Variants in PAPPA2 observed in about 807,000 individuals in gnomAD.
The protein encoded by PAPPA2 is pappalysin-2.
PAPPA2 carries 86 observed loss-of-function variants against 176.4 expected under a neutral mutation model. The observed-to-expected ratio is 0.49, with a 90% CI of 0.41 to 0.58. PAPPA2 has a LOEUF of 0.58. Ranked by LOEUF, PAPPA2 falls within the 20% of genes least tolerant of loss-of-function variation. PAPPA2 has a pLI of 0.00. For missense variants in PAPPA2, 2,073 were observed against 2,256.9 expected (o/e 0.92, Z 1.65); for synonymous variants, 809 against 852.2 (o/e 0.95, Z 0.88).
At chr1:176,739,943 A>G (rs1662596245) in intron 13 of PAPPA2, 37 bp from the exon 14 acceptor site, 8 of 1,606,068 alleles carry the variant, frequency 5.0e-6, no homozygotes, top group Non-Finnish European at 6.8e-6. Flanking sequence ...GGTACTAACA[A>G]TGGCTGAAAA....
At chr1:176,662,922 T>C (rs2102761132) in intron 3 of PAPPA2, among the ~76,000 whole-genome samples, 1 of 152,340 alleles carries the variant, frequency 6.6e-6, no homozygotes, top group South Asian at 2.1e-4. Flanking sequence ...ATTCACTCAA[T>C]GTCACCAGCC....
intron 1 of PAPPA2, among the ~76,000 whole-genome samples, chr1:176,524,953 A>G (rs1165859522): frequency 6.6e-6 from 1 of 152,130 alleles, no homozygotes; most frequent in East Asian, 1.9e-4. Context: ...GAGACAGGAG[A>G]ATAGCGTGAA....
rs148295481 is a variant in PAPPA2 at position 176,793,131 on chromosome 1, G to C, written c.5021-429G>C. Among the ~76,000 whole-genome samples the C allele has an allele frequency of 2.0e-5, 3 of 152,278 alleles. No individual in the cohort carries two copies. In the East Asian group the frequency reaches 5.8e-4, roughly 29 times the overall value. On this transcript the variant is annotated intron_variant, in intron 19 of 22. Coordinates refer to ENST00000367662, the MANE Select transcript of PAPPA2 (RefSeq NM_020318.3). ...TAGGTAGTAGTTGTTGCAATTTTAAGCTTCCAGGAGACCATGTAAACAGGA... is the reference window on the plus strand; with the variant it reads ...TAGGTAGTAGTTGTTGCAATTTTAACCTTCCAGGAGACCATGTAAACAGGA...
In PAPPA2 at chr1:176,725,193, A is replaced by G. The variant is rs566690862; in HGVS notation, c.3798+13212A>G. Among the ~76,000 whole-genome samples the G allele has an allele frequency of 2.0e-5, 3 of 152,308 alleles. No individual in the cohort carries two copies. In the East Asian group the frequency reaches 5.8e-4, roughly 29 times the overall value. Reference sequence around the variant, plus strand: ...ATGAACTCGGAAGTTTGAATTTCATATAATTTTCATATTATTCATGTTTAA... The same window carrying G: ...ATGAACTCGGAAGTTTGAATTTCATGTAATTTTCATATTATTCATGTTTAA... On this transcript the variant is annotated intron_variant, in intron 12 of 22. Coordinates refer to ENST00000367662, the MANE Select transcript of PAPPA2 (RefSeq NM_020318.3).
chr1:176,817,601 G>A (rs1235215095), intron 21 of PAPPA2, among the ~76,000 whole-genome samples: 1 of 152,060 alleles, frequency 6.6e-6, no homozygotes, highest in Non-Finnish European at 1.5e-5. Context: ...ATAGGAAGAA[G>A]TAATCATTGA....
In PAPPA2 at chr1:176,557,236, TC is replaced by T. The variant is rs1222024539; in HGVS notation, c.915del (p.Ile305MetfsTer43). ...GGAGGACAGAACAACCCAGCCATCA[TC>T]GCAGGTAACACCCTTCTCCTGGGCT... ...PEGGQNNPAIIAGVFDNCSHT... is the reference protein window; with the variant it reads ...PEGGQNNPAIXAGVFDNCSHT... On this transcript the variant is annotated frameshift_variant, in exon 2 of 23. Transcript: ENST00000367662. LOFTEE classifies it high-confidence loss of function. The T allele has an allele frequency of 1.3e-6, 2 of 1,583,762 alleles. No individual in the cohort carries two copies. Among genetic ancestry groups the T allele is most frequent in the Non-Finnish European group, 1.7e-6 (2 of 1,165,246 alleles).
intron 2 of PAPPA2, among the ~76,000 whole-genome samples, chr1:176,579,282 G>A (rs1205524511): frequency 6.6e-6 from 1 of 152,194 alleles, no homozygotes; most frequent in Admixed American, 6.5e-5. Context: ...ACAGGAAAAA[G>A]GAGGAAGTGG....
intron 3 of PAPPA2, among the ~76,000 whole-genome samples, chr1:176,661,028 G>A (rs914231370): frequency 4.6e-5 from 7 of 151,802 alleles, no homozygotes; most frequent in African/African-American, 1.7e-4. Flanking sequence ...GTCTTTTTGG[G>A]GTCTTATGAA....
chr1:176,807,792 G>A (rs879900463), intron 21 of PAPPA2, among the ~76,000 whole-genome samples: 47 of 151,924 alleles, frequency 3.1e-4, no homozygotes, highest in Non-Finnish European at 5.1e-4. Flanking sequence ...CACCATGCAA[G>A]GCCAAGTTTG....
intron 21 of PAPPA2, among the ~76,000 whole-genome samples, chr1:176,824,835 T>A (rs1269912596): frequency 6.6e-6 from 1 of 152,188 alleles, no homozygotes; most frequent in Non-Finnish European, 1.5e-5. Context: ...GAAGTCTTTC[T>A]AATGTGAAAA....
At chr1:176,631,307 C>T (rs1007164364) in intron 3 of PAPPA2, among the ~76,000 whole-genome samples, 1 of 152,096 alleles carries the variant, frequency 6.6e-6, no homozygotes, top group African/African-American at 2.4e-5. Context: ...ACTATGATTC[C>T]ACTTATATTA....
intron 3 of PAPPA2, among the ~76,000 whole-genome samples, chr1:176,647,224 A>G (rs1657446534): frequency 2.0e-5 from 3 of 151,410 alleles, no homozygotes; most frequent in Middle Eastern, 3.2e-3. Context: ...ATAAATGTCT[A>G]TTCAGGTGTT....
At position 176,627,885 on chromosome 1, in the gene PAPPA2, C is replaced by G. The variant is rs575889372; in HGVS notation, c.1991+32290C>G. Reference sequence around the variant, plus strand: ...TTAAATGCTCTTCTCAGTTCCACTTCCCTTTGAAATACGCATTAAGGTAAT... The same window carrying G: ...TTAAATGCTCTTCTCAGTTCCACTTGCCTTTGAAATACGCATTAAGGTAAT... On this transcript the variant is annotated intron_variant, in intron 3 of 22. Transcript: ENST00000367662. Among the ~76,000 whole-genome samples, 16 of 152,220 alleles carry G rather than the reference C, an allele frequency of 1.1e-4. 1 individual carries two copies. The highest frequency in any genetic ancestry group is 3.6e-4 in the African/African-American group (15 of 41,530).
chr1:176,527,051 A>G (rs1457081100), intron 1 of PAPPA2, among the ~76,000 whole-genome samples: 3 of 152,154 alleles, frequency 2.0e-5, no homozygotes, highest in Non-Finnish European at 2.9e-5. Context: ...GGCTCAAGCA[A>G]TTCTCCTGCC....
intron 14 of PAPPA2, among the ~76,000 whole-genome samples, chr1:176,762,303 T>A (rs1161829575): frequency 1.3e-5 from 2 of 151,584 alleles, no homozygotes; most frequent in Non-Finnish European, 2.9e-5. Context: ...TTCCCTCTCA[T>A]ATTCTCCCCT....
rs1232308565 is a variant in PAPPA2, at chr1:176,696,277, G to A, written c.2746+418G>A. Among the ~76,000 whole-genome samples the A allele has an allele frequency of 3.2e-5, 4 of 125,308 alleles. No individual in the cohort carries two copies. In the South Asian group the frequency reaches 8.3e-4, roughly 26 times the overall value. The allele number at this position is 125,308 out of a possible 152,430, so 82.2% of individuals were successfully genotyped here. A position where few individuals can be genotyped will look rare whatever the true frequency, so the allele number is the denominator to read the frequency against. ...TCTGCATCAGGAAACACACCGCAGA[G>A]AACACTCATGCAATGGCTGAGCAAG... On this transcript the variant is annotated intron_variant, in intron 7 of 22. Transcript: ENST00000367662.
chr1:176,769,801 C>T lies in PAPPA2; in HGVS notation c.4501+17C>T, dbSNP rs549547530. 1.3e-6 allele frequency: 2 copies of T among 1,580,210 alleles called. No homozygotes were observed. The highest frequency in any genetic ancestry group is 1.9e-5 in the Admixed American group (1 of 52,500). On this transcript the variant is annotated intron_variant, in intron 16 of 22. Coordinates refer to ENST00000367662, the MANE Select transcript of PAPPA2 (RefSeq NM_020318.3). ...AGCTGCAAGGTATTGTCTGGTCAACCAGGAACTGTATGCAAGTTCTCTGCC... is the reference window on the plus strand; with the variant it reads ...AGCTGCAAGGTATTGTCTGGTCAACTAGGAACTGTATGCAAGTTCTCTGCC...
intron 17 of PAPPA2, among the ~76,000 whole-genome samples, chr1:176,783,550 G>A (rs1373449652): frequency 6.6e-6 from 1 of 152,172 alleles, no homozygotes; most frequent in Non-Finnish European, 1.5e-5. Context: ...CATAAGTTCT[G>A]GAAATTGGGA....
chr1:176,789,296 G>A (rs1029073038), intron 17 of PAPPA2, among the ~76,000 whole-genome samples: 8 of 151,988 alleles, frequency 5.3e-5, no homozygotes, highest in African/African-American at 1.4e-4. Flanking sequence ...GCAAACTATC[G>A]CAAGGACAAA....
Sources: allele counts gnomAD v4.1 joint callset (sites outside exome capture counted in the v4.1 genomes callset), GRCh38; gene constraint gnomAD v4.1.1; transcripts MANE v1.5; gene names NCBI Gene and HGNC (gene_info 2026-07-23, HGNC 2026-07-21).